Variants in SLC22A23 observed in about 807,000 individuals in gnomAD.
SLC22A23 encodes the protein solute carrier family 22 member 23.
In SLC22A23, 26 loss-of-function variants were observed where a neutral mutation model predicts 61.0. The ratio of observed to expected loss-of-function variants is 0.43; its 90% CI spans 0.31 to 0.59. SLC22A23 has a LOEUF of 0.59. Ranked by LOEUF, SLC22A23 falls within the 20% of genes least tolerant of loss-of-function variation. The pLI, the probability that SLC22A23 is intolerant of heterozygous loss-of-function variation, is 0.11. For missense variants in SLC22A23, 796 were observed against 934.7 expected, an observed-to-expected ratio of 0.85 and a Z score of 1.94; for synonymous variants, 430 against 413.9, an observed-to-expected ratio of 1.04 and a Z score of -0.47.
intron 1 of SLC22A23, among the ~76,000 whole-genome samples, chr6:3,420,873 G>A (rs1161608323): frequency 1.3e-5 from 2 of 152,154 alleles, no homozygotes; most frequent in Non-Finnish European, 2.9e-5. Context: ...TGGAGGCCAA[G>A]GTGGGAGGGT....
chr6:3,404,149 C>T (rs1254902528), intron 3 of SLC22A23, among the ~76,000 whole-genome samples: 4 of 152,212 alleles, frequency 2.6e-5, no homozygotes, highest in African/African-American at 9.6e-5. Flanking sequence ...CATCCAAATA[C>T]TCTAATTTTA....
chr6:3,432,233 G>A, intron 1 of SLC22A23: 4 of 985,456 alleles, frequency 4.1e-6, no homozygotes, highest in Non-Finnish European at 4.8e-6. Context: ...GATCTTCACT[G>A]AGAGCCTGCG....
At chr6:3,355,130 C>A (rs1013318645) in intron 3 of SLC22A23, among the ~76,000 whole-genome samples, 9 of 151,718 alleles carry the variant, frequency 5.9e-5, no homozygotes, top group African/African-American at 2.2e-4. Flanking sequence ...TGGGCTCCTA[C>A]CCTCTATCTG....
At position 3,329,600 on chromosome 6, in the gene SLC22A23, C is replaced by T. The variant is rs1204394456; in HGVS notation, c.914-5598G>A. On this transcript the variant is annotated intron_variant, in intron 3 of 9. Coordinates refer to ENST00000406686, the MANE Select transcript of SLC22A23 (RefSeq NM_015482.2). This position sits in a 1 kb window ranked among gnomAD's most constrained non-coding sequence, Gnocchi z 4.8. ...GGTGGGGGTTAGATTCCTCCCCGGC[C>T]TCTGCTGGGCGGTGTGAAGTTACTC... 1.3e-5 allele frequency among the ~76,000 whole-genome samples: 2 copies of T among 152,232 alleles called. No individual in the cohort carries two copies. Among genetic ancestry groups the T allele is most frequent in the African/African-American group, 4.8e-5 (2 of 41,460 alleles).
At chr6:3,353,815 G>A (rs1407244598) in intron 3 of SLC22A23, among the ~76,000 whole-genome samples, 7 of 152,154 alleles carry the variant, frequency 4.6e-5, no homozygotes, top group Admixed American at 4.6e-4. Flanking sequence ...CTTCTTAGTA[G>A]AGGCAGACTC....
chr6:3,295,782 G>A (rs1761036463), intron 5 of SLC22A23, among the ~76,000 whole-genome samples: 1 of 152,172 alleles, frequency 6.6e-6, no homozygotes, highest in Admixed American at 6.5e-5. Context: ...TGACAGCTGG[G>A]GGTGGAAGAG....
chr6:3,435,808 G>A (rs139509140), intron 1 of SLC22A23, among the ~76,000 whole-genome samples: 5 of 152,302 alleles, frequency 3.3e-5, no homozygotes, highest in African/African-American at 1.2e-4. Flanking sequence ...TAAAGTTAAA[G>A]TAAGGTCTCT....
chr6:3,348,110 G>C (rs185952801), intron 3 of SLC22A23, among the ~76,000 whole-genome samples: 27 of 152,350 alleles, frequency 1.8e-4, no homozygotes, highest in Non-Finnish European at 3.7e-4. Flanking sequence ...CATGCTGTGT[G>C]TCTCCTGCTC....
chr6:3,426,611 TG>T (rs1244869255), intron 1 of SLC22A23, among the ~76,000 whole-genome samples: 1 of 152,246 alleles, frequency 6.6e-6, no homozygotes, highest in African/African-American at 2.4e-5. Context: ...GTTTTTCTCC[TG>T]TTTCAACACT....
intron 9 of SLC22A23, among the ~76,000 whole-genome samples, chr6:3,279,247 A>AT (rs930057597): frequency 2.0e-5 from 3 of 151,862 alleles, no homozygotes; most frequent in African/African-American, 4.8e-5. Context: ...ATGGTGGCTC[A>AT]TGTGCCTGTA....
At chr6:3,452,094 T>C (rs1158467674) in intron 1 of SLC22A23, among the ~76,000 whole-genome samples, 1 of 152,224 alleles carries the variant, frequency 6.6e-6, no homozygotes, top group Admixed American at 6.5e-5. Flanking sequence ...TCTCAGCACA[T>C]CTGAGGTAGG....
chr6:3,298,156 A>C lies in SLC22A23; in HGVS notation c.1145T>G (p.Leu382Arg). The change falls in exon 5 of 10, where the codon CTG (leucine) becomes CGG (arginine). Residue 382 changes from leucine (L) to arginine (R), a missense_variant. Transcript: ENST00000406686. ...ATTCTTCTGTGTGAAGTGGAGGATC[A>C]GCCTCTTTGCAGACTCAAACTGCTG... The part of the protein sequence containing the change: ...ATQQFESAKR[L>R]ILHFTQKNRM... 1.3e-6 allele frequency: 2 copies of C among 1,592,598 alleles called. No individual in the cohort carries two copies. Among genetic ancestry groups the C allele is most frequent in the South Asian group, 2.3e-5 (2 of 87,336 alleles).
At chr6:3,424,330 G>A (rs772194224) in intron 1 of SLC22A23, among the ~76,000 whole-genome samples, 1 of 152,152 alleles carries the variant, frequency 6.6e-6, no homozygotes, top group Non-Finnish European at 1.5e-5. Flanking sequence ...TGCTTTAAAG[G>A]ACAAACCTCA....
Position 3,273,315 on chromosome 6 carries a change from G to A in SLC22A23, c.1801C>T (p.His601Tyr). The part of the protein sequence containing the change: ...LHNQKGYFLH[H>Y]IIFACCTLIC... ...AGCGTGCAGCAGGCAAAGATGATGT[G>A]GTGCAGGAAGTAGCCTTTCTGGTTG... Residue 601 changes from histidine to tyrosine, a missense_variant, in exon 10 of 10, where the codon CAC (histidine) becomes TAC (tyrosine). Transcript: ENST00000406686. 4 of 1,614,118 alleles carry A rather than the reference G, an allele frequency of 2.5e-6. No individual in the cohort carries two copies. The highest frequency in any genetic ancestry group is 3.4e-6 in the Non-Finnish European group (4 of 1,179,990).
At chr6:3,403,810 T>G (rs534068885) in intron 3 of SLC22A23, among the ~76,000 whole-genome samples, 1 of 152,336 alleles carries the variant, frequency 6.6e-6, no homozygotes, top group East Asian at 1.9e-4. Context: ...TTGTTTTGTT[T>G]TCCATTCATT....
intron 4 of SLC22A23, chr6:3,312,011 C>T (rs1408779677): frequency 6.6e-6 from 1 of 152,214 alleles, no homozygotes; most frequent in Admixed American, 6.5e-5. Context: ...CTGTTGCCTC[C>T]TTCCGGAAGG....
At chr6:3,292,060 A>C (rs1333072922) in intron 5 of SLC22A23, 4 of 152,216 alleles carry the variant, frequency 2.6e-5, no homozygotes, top group African/African-American at 9.7e-5. Flanking sequence ...AGGGCTATTG[A>C]TATGTTTTCA....
At position 3,342,519 on chromosome 6, in the gene SLC22A23, C is replaced by A. The variant is rs1002146856; in HGVS notation, c.914-18517G>T. 2.0e-5 allele frequency among the ~76,000 whole-genome samples: 3 copies of A among 152,230 alleles called. No individual in the cohort carries two copies. The highest frequency in any genetic ancestry group is 3.4e-3 in the Middle Eastern group (1 of 294). On this transcript the variant is annotated intron_variant, in intron 3 of 9. Coordinates refer to ENST00000406686, the MANE Select transcript of SLC22A23 (RefSeq NM_015482.2). This position sits in a 1 kb window ranked among gnomAD's most constrained non-coding sequence, Gnocchi z 4.0. ...AAAACAGTGCTTCTCAAAGGTGGGG[C>A]CTCCTTGACCCACAGCATCAGAGTC...
At chr6:3,433,284 C>T (rs1204084686) in intron 1 of SLC22A23, among the ~76,000 whole-genome samples, 2 of 152,152 alleles carry the variant, frequency 1.3e-5, no homozygotes, top group East Asian at 1.9e-4. Flanking sequence ...GTGGCTTCTC[C>T]CTGCCCAAAT....
Sources: allele counts gnomAD v4.1 joint callset (sites outside exome capture counted in the v4.1 genomes callset), GRCh38; gene constraint gnomAD v4.1.1; non-coding constraint Gnocchi (gnomAD v3.1); transcripts MANE v1.5; gene names NCBI Gene and HGNC (gene_info 2026-07-23, HGNC 2026-07-21).